CTNNA3: variants seen among roughly 807,000 people sequenced by gnomAD.
The protein encoded by CTNNA3 is catenin alpha 3.
Under a neutral mutation model 95.7 loss-of-function variants are expected in CTNNA3, and 76 were observed. That is an observed-to-expected ratio of 0.79 (90% CI 0.66 to 0.96). The LOEUF (loss-of-function observed/expected upper bound fraction) is 0.96, where lower values mean the gene tolerates loss of function less well. Ranked by LOEUF, CTNNA3 falls within the 40% of genes least tolerant of loss-of-function variation. The pLI, the probability that CTNNA3 is intolerant of heterozygous loss-of-function variation, is 0.00. For missense variants in CTNNA3, 1,191 were observed against 1,089.8 expected, an observed-to-expected ratio of 1.09 and a Z score of -1.31; for synonymous variants, 431 against 374.4, an observed-to-expected ratio of 1.15 and a Z score of -1.74.
At chr10:67,449,125 G>A (rs1052258141) in intron 5 of CTNNA3, among the ~76,000 whole-genome samples, 1 of 151,892 alleles carries the variant, frequency 6.6e-6, no homozygotes, top group Non-Finnish European at 1.5e-5. Context: ...AGCTAACAAG[G>A]GAGGGGAAAG....
At chr10:66,715,680 G>C (rs1039676099) in intron 9 of CTNNA3, among the ~76,000 whole-genome samples, 4 of 152,042 alleles carry the variant, frequency 2.6e-5, no homozygotes, top group Non-Finnish European at 5.9e-5. Context: ...GCATTCTCTT[G>C]ATGAGATAGC....
intron 15 of CTNNA3, among the ~76,000 whole-genome samples, chr10:66,029,776 G>A (rs925440770): frequency 6.6e-6 from 1 of 152,048 alleles, no homozygotes. Flanking sequence ...TACATAGAAG[G>A]TGCCCTGTAA....
intron 5 of CTNNA3, among the ~76,000 whole-genome samples, chr10:67,221,098 G>T (rs2132269000): frequency 6.6e-6 from 1 of 152,128 alleles, no homozygotes; most frequent in South Asian, 2.1e-4. Context: ...TTAGATCCTG[G>T]AACAGAAAAA....
chr10:67,641,866 C>T (rs936208596), intron 2 of CTNNA3, among the ~76,000 whole-genome samples: 4 of 151,884 alleles, frequency 2.6e-5, no homozygotes, highest in Non-Finnish European at 4.4e-5. Flanking sequence ...GTGGGGTAGC[C>T]GGGAGCGGGG....
chr10:67,697,069 C>T (rs1840978818), upstream of CTNNA3, among the ~76,000 whole-genome samples: 1 of 152,140 alleles, frequency 6.6e-6, no homozygotes, highest in African/African-American at 2.4e-5. Flanking sequence ...TTTCAGGGAG[C>T]CAAGAGGAAA....
chr10:67,254,791 C>T lies in CTNNA3; in HGVS notation c.580-34921G>A, dbSNP rs573018228. Among the ~76,000 whole-genome samples, 18 of 152,260 alleles carry T rather than the reference C, an allele frequency of 1.2e-4. No individual in the cohort carries two copies. In the East Asian group the frequency reaches 3.3e-3, roughly 28 times the overall value. On this transcript the variant is annotated intron_variant, in intron 5 of 17. Transcript: ENST00000433211. Reference sequence around the variant, plus strand: ...AGGTTTGTAGCCTAGTAGCAACAGGCTGTATCATGTAACGTAGGTGGGTAG... The same window carrying T: ...AGGTTTGTAGCCTAGTAGCAACAGGTTGTATCATGTAACGTAGGTGGGTAG...
intron 1 of CTNNA3, among the ~76,000 whole-genome samples, chr10:67,703,370 T>C (rs1380724955): frequency 2.6e-5 from 4 of 151,710 alleles, no homozygotes; most frequent in Non-Finnish European, 5.9e-5. Context: ...GATGCAAAAA[T>C]CCTCAATAAA....
intron 11 of CTNNA3, among the ~76,000 whole-genome samples, chr10:66,441,166 T>C (rs902199655): frequency 2.6e-5 from 4 of 152,102 alleles, no homozygotes; most frequent in African/African-American, 9.7e-5. Context: ...GACCCTGTCT[T>C]TACAAAATAT....
At chr10:66,418,160 C>T (rs948506424) in intron 11 of CTNNA3, among the ~76,000 whole-genome samples, 8 of 140,502 alleles carry the variant, frequency 5.7e-5, no homozygotes, top group African/African-American at 2.1e-4. Flanking sequence ...AAGAGAAGAC[C>T]CAAATAAACT....
intron 1 of CTNNA3, among the ~76,000 whole-genome samples, chr10:67,720,128 G>GTTT (rs1564839853): frequency 3.8e-4 from 1 of 2,660 alleles, no homozygotes; most frequent in African/African-American, 2.3e-3. Context: ...TGCAACCCCT[G>GTTT]CTTTTTTTTT....
intron 11 of CTNNA3, among the ~76,000 whole-genome samples, chr10:66,511,311 T>C (rs1399934652): frequency 6.6e-6 from 1 of 151,780 alleles, no homozygotes; most frequent in African/African-American, 2.4e-5. Context: ...TGGTTTACTT[T>C]TCAAAAACTA....
intron 5 of CTNNA3, among the ~76,000 whole-genome samples, chr10:67,253,168 T>C (rs1174790071): frequency 6.6e-6 from 1 of 152,146 alleles, no homozygotes; most frequent in South Asian, 2.1e-4. Context: ...AATGCTGCAA[T>C]ACTGTGATAG....
intron 13 of CTNNA3, among the ~76,000 whole-genome samples, chr10:66,239,861 T>C (rs1056297447): frequency 2.0e-5 from 3 of 151,982 alleles, no homozygotes; most frequent in Non-Finnish European, 2.9e-5. Flanking sequence ...TTGCCCAATG[T>C]GTTTAGTTTA....
In CTNNA3 at chr10:67,199,515, G is replaced by A. The variant is rs1225520720; in HGVS notation, c.844-18995C>T. ...CTCCCAAGTAGCTGGGACTACAGGC[G>A]CATGCCACCACGCCTGGCTAATTTT... On this transcript the variant is annotated intron_variant, in intron 6 of 17. Coordinates refer to ENST00000433211, the MANE Select transcript of CTNNA3 (RefSeq NM_013266.4). Among the ~76,000 whole-genome samples the A allele has an allele frequency of 5.3e-5, 8 of 151,958 alleles. No homozygotes were observed. The East Asian group carries it at 7.7e-4, about 15-fold the overall frequency.
At chr10:66,971,381 G>A (rs1252186875) in intron 7 of CTNNA3, among the ~76,000 whole-genome samples, 1 of 152,008 alleles carries the variant, frequency 6.6e-6, no homozygotes, top group Admixed American at 6.6e-5. Flanking sequence ...AGCCGAGATC[G>A]TGCCACTGCA....
intron 5 of CTNNA3, among the ~76,000 whole-genome samples, chr10:67,230,127 T>A (rs1379369574): frequency 6.6e-6 from 1 of 152,134 alleles, no homozygotes; most frequent in Non-Finnish European, 1.5e-5. Flanking sequence ...AATAGGCACA[T>A]AGACCAATGG....
chr10:67,691,782 G>T (rs1234196607), intron 1 of CTNNA3, among the ~76,000 whole-genome samples: 1 of 148,872 alleles, frequency 6.7e-6, no homozygotes, highest in East Asian at 2.1e-4. Context: ...CCCCCCGCCT[G>T]GCCAGCCGCC....
chr10:66,587,796 C>T (rs1369065667), intron 10 of CTNNA3, among the ~76,000 whole-genome samples: 7 of 152,242 alleles, frequency 4.6e-5, no homozygotes, highest in Admixed American at 3.9e-4. Context: ...CTAAAAACTG[C>T]CCCAGGCCAT....
At chr10:67,380,011 A>G (rs192103319) in intron 5 of CTNNA3, among the ~76,000 whole-genome samples, 7,240 of 107,550 alleles carry the variant, frequency 0.067, 269 homozygotes, top group Middle Eastern at 0.14. Flanking sequence ...ACAGAGTGAG[A>G]CTCCGTCTCA....
Sources: gnomAD v4.1 joint callset for allele counts (sites outside exome capture counted in the v4.1 genomes callset) on GRCh38, gnomAD v4.1.1 for gene constraint, MANE v1.5 for transcripts, NCBI Gene and HGNC (gene_info 2026-07-23, HGNC 2026-07-21) for gene names.